The following SLC8A1 variants were observed in gnomAD, a reference collection of about 807,000 sequenced individuals.
SLC8A1 encodes the protein sodium/calcium exchanger 1.
Under a neutral mutation model 68.3 loss-of-function variants are expected in SLC8A1, and 18 were observed. The observed-to-expected ratio is 0.26, with a 90% CI of 0.18 to 0.39. The LOEUF (loss-of-function observed/expected upper bound fraction) is 0.39, where lower values mean the gene tolerates loss of function less well. Among genes scored for constraint, SLC8A1 ranks in the 10% least tolerant of loss-of-function variants. SLC8A1 has a pLI of 1.00. For missense variants in SLC8A1, 985 were observed against 1,156.7 expected, an observed-to-expected ratio of 0.85 and a Z score of 2.15; for synonymous variants, 475 against 415.5, an observed-to-expected ratio of 1.14 and a Z score of -1.74.
intron 1 of SLC8A1, among the ~76,000 whole-genome samples, 167 bp downstream of exon 1, chr2:40,451,723 GCGCACACACCACAT>G (rs1702523545): frequency 7.2e-6 from 1 of 138,234 alleles, no homozygotes; most frequent in Admixed American, 7.6e-5. Context: ...ATGTGCAGGC[GCGCACACACCACAT>G]CACACACACA....
chr2:40,185,853 A>G (rs986634531), intron 2 of SLC8A1, among the ~76,000 whole-genome samples: 1 of 152,230 alleles, frequency 6.6e-6, no homozygotes, highest in Non-Finnish European at 1.5e-5. Context: ...AAAGGTTGTC[A>G]GAATGTTTGG....
rs546413918 is a variant in SLC8A1 at position 40,418,575 on chromosome 2, T to G, written c.1808+9898A>C. Among the ~76,000 whole-genome samples the G allele has an allele frequency of 2.0e-5, 3 of 152,324 alleles. No homozygotes were observed. The South Asian group carries it at 6.2e-4, about 32-fold the overall frequency. On this transcript the variant is annotated intron_variant, in intron 2 of 7. Transcript: ENST00000406785. Reference sequence around the variant, plus strand: ...GGCTAAGTACTTTCAATGTCTGTAGTAGCCTCATTTGCTCATGCTTAATAA... The same window carrying G: ...GGCTAAGTACTTTCAATGTCTGTAGGAGCCTCATTTGCTCATGCTTAATAA...
intron 2 of SLC8A1, among the ~76,000 whole-genome samples, chr2:40,335,638 AAAG>A (rs1350539802): frequency 1.3e-5 from 2 of 152,244 alleles, no homozygotes; most frequent in Non-Finnish European, 2.9e-5. Context: ...GACAGCCCTA[AAAG>A]AACAGAAATG....
At chr2:40,468,474 G>A (rs147732218) in intron 1 of SLC8A1, among the ~76,000 whole-genome samples, 2,360 of 151,858 alleles carry the variant, frequency 0.016, 58 homozygotes, top group African/African-American at 0.052. Context: ...TTAAATAAGC[G>A]CCTTCTGAAA....
At chr2:40,369,790 G>A (rs1049003278) in intron 2 of SLC8A1, among the ~76,000 whole-genome samples, 1 of 152,074 alleles carries the variant, frequency 6.6e-6, no homozygotes, top group South Asian at 2.1e-4. Flanking sequence ...AATCATCTGT[G>A]GTTGGGCCTG....
intron 6 of SLC8A1, among the ~76,000 whole-genome samples, chr2:40,146,260 A>G (rs1217329896): frequency 6.6e-6 from 1 of 152,194 alleles, no homozygotes; most frequent in South Asian, 2.1e-4. Context: ...CAGTGTGCCA[A>G]GTTCAACCCC....
intron 2 of SLC8A1, among the ~76,000 whole-genome samples, chr2:40,393,652 G>A (rs1426460597): frequency 6.6e-6 from 1 of 152,032 alleles, no homozygotes; most frequent in Non-Finnish European, 1.5e-5. Flanking sequence ...TAATTAGGGG[G>A]ATAACTGTGT....
chr2:40,170,213 T>A, intron 4 of SLC8A1, 68 bp downstream of exon 7: 1 of 1,383,678 alleles, frequency 7.2e-7, no homozygotes, highest in Non-Finnish European at 1.0e-6. Flanking sequence ...AATGCATGAC[T>A]GTAATGTCTC....
chr2:40,178,422 C>T, intron 2 of SLC8A1: 2 of 1,613,986 alleles, frequency 1.2e-6, no homozygotes, highest in Non-Finnish European at 1.7e-6. Context: ...GCGGGGCTCT[C>T]CAATCTCAAG....
chr2:40,360,089 C>T (rs907362727), intron 2 of SLC8A1, among the ~76,000 whole-genome samples: 1 of 152,146 alleles, frequency 6.6e-6, no homozygotes, highest in African/African-American at 2.4e-5. Flanking sequence ...ATCCCAAAAA[C>T]CTTACAAGGT....
chr2:40,266,584 C>G (rs1296154603), intron 2 of SLC8A1, among the ~76,000 whole-genome samples: 2 of 152,120 alleles, frequency 1.3e-5, no homozygotes, highest in African/African-American at 4.8e-5. Context: ...TGTTTTCTCT[C>G]CTATCATTTT....
At chr2:40,124,241 T>C (rs1373443494) in intron 7 of SLC8A1, among the ~76,000 whole-genome samples, 1 of 152,198 alleles carries the variant, frequency 6.6e-6, no homozygotes, top group Non-Finnish European at 1.5e-5. Flanking sequence ...GTCAGCTGGA[T>C]TATACTGGTG....
intron 1 of SLC8A1, among the ~76,000 whole-genome samples, chr2:40,485,298 C>T (rs1367431301): frequency 1.3e-5 from 2 of 152,116 alleles, no homozygotes; most frequent in African/African-American, 2.4e-5. Flanking sequence ...ATGTCTTAGG[C>T]GATTGTAGAA....
At chr2:40,441,591 A>G (rs1576515107) in intron 1 of SLC8A1, among the ~76,000 whole-genome samples, 1 of 152,106 alleles carries the variant, frequency 6.6e-6, no homozygotes, top group Non-Finnish European at 1.5e-5. Context: ...AGAACAGAAC[A>G]GAGACCTCAT....
chr2:40,266,712 C>T (rs1451471563), intron 2 of SLC8A1, among the ~76,000 whole-genome samples: 3 of 152,178 alleles, frequency 2.0e-5, no homozygotes, highest in Non-Finnish European at 4.4e-5. Flanking sequence ...TGGATCATTG[C>T]TCACTTTCTC....
chr2:40,219,903 T>TTTTTTTTAA, intron 2 of SLC8A1, among the ~76,000 whole-genome samples: 1 of 60,710 alleles, frequency 1.6e-5, no homozygotes, highest in African/African-American at 5.3e-5. Context: ...TTTTTTTTTT[T>TTTTTTTTAA]AGAAAATCAA....
chr2:40,187,307 G>C (rs572429034), intron 2 of SLC8A1, among the ~76,000 whole-genome samples: 3 of 152,270 alleles, frequency 2.0e-5, no homozygotes, highest in African/African-American at 7.2e-5. Context: ...AACGGTGGTG[G>C]TGCTATTCTG....
chr2:40,453,485 G>C (rs1432495551), upstream of SLC8A1: 2 of 152,188 alleles, frequency 1.3e-5, no homozygotes, highest in Non-Finnish European at 2.9e-5. Context: ...ACAAAGAGGG[G>C]GCGGAATGGA....
At chr2:40,161,864 C>T (rs2045745339) in intron 5 of SLC8A1, among the ~76,000 whole-genome samples, 1 of 152,172 alleles carries the variant, frequency 6.6e-6, no homozygotes, top group Non-Finnish European at 1.5e-5. Context: ...CATTATTTGT[C>T]ATAGGTCGAA....
Sources: gnomAD v4.1 joint callset for allele counts (sites outside exome capture counted in the v4.1 genomes callset) on GRCh38, gnomAD v4.1.1 for gene constraint, MANE v1.5 for transcripts, NCBI Gene and HGNC (gene_info 2026-07-23, HGNC 2026-07-21) for gene names.